The following CDH18 variants were observed in gnomAD, a reference collection of about 807,000 sequenced individuals.
CDH18 encodes the protein cadherin 18, also known as cadherin-18.
CDH18 carries 31 observed loss-of-function variants against 67.9 expected under a neutral mutation model. The ratio of observed to expected loss-of-function variants is 0.46; its 90% CI spans 0.34 to 0.62. The LOEUF (loss-of-function observed/expected upper bound fraction) is 0.62. Ranked by LOEUF, CDH18 falls within the 20% of genes least tolerant of loss-of-function variation. CDH18 has a pLI of 0.01. For missense variants in CDH18, 890 were observed against 975.5 expected (o/e 0.91, Z 1.17); for synonymous variants, 362 against 347.2 (o/e 1.04, Z -0.48).
intron 2 of CDH18, among the ~76,000 whole-genome samples, chr5:19,978,800 A>T (rs1441013874): frequency 6.6e-6 from 1 of 151,648 alleles, no homozygotes; most frequent in Non-Finnish European, 1.5e-5. Context: ...TCACTTTTAA[A>T]GAGCCTTGGG....
rs543802620 is a variant in CDH18 at position 19,941,512 on chromosome 5, T to C, written c.-257+39548A>G. Among the ~76,000 whole-genome samples the C allele has an allele frequency of 1.6e-4, 25 of 152,160 alleles. 1 individual carries two copies. Among genetic ancestry groups the C allele is most frequent in the African/African-American group, 5.8e-4 (24 of 41,544 alleles). On this transcript the variant is annotated intron_variant, in intron 2 of 12. Coordinates refer to ENST00000382275, the MANE Select transcript of CDH18 (RefSeq NM_004934.5). ...AAGAACTTCCTTGGGCCAGGTGCCA[T>C]GGCTCATGTCCGTAATCCCAGAACT...
intron 2 of CDH18, among the ~76,000 whole-genome samples, chr5:19,902,310 A>G (rs768626222): frequency 1.3e-4 from 20 of 152,122 alleles, no homozygotes; most frequent in Admixed American, 7.2e-4. Context: ...ATATGGCTGA[A>G]CGGATGGCAA....
intron 1 of CDH18, among the ~76,000 whole-genome samples, chr5:20,298,810 T>C (rs1210381458): frequency 6.6e-6 from 1 of 152,036 alleles, no homozygotes. Flanking sequence ...ATGAAGGGAA[T>C]TGAAAATGTC....
chr5:19,787,809 T>TTA (rs35850823), intron 3 of CDH18, among the ~76,000 whole-genome samples: 59,923 of 144,178 alleles, frequency 0.42, 12,255 homozygotes, highest in South Asian at 0.54. Flanking sequence ...TAATTTACAG[T>TTA]TATATATATA....
intron 11 of CDH18, among the ~76,000 whole-genome samples, chr5:19,491,598 TTC>T (rs2126671451): frequency 6.6e-6 from 1 of 152,302 alleles, no homozygotes; most frequent in African/African-American, 2.4e-5. Context: ...TCCAAAAGAC[TTC>T]TTTCTAACAG....
In CDH18 at chr5:19,999,085, GATA is replaced by G. The variant is rs571399616; in HGVS notation, c.-517-7074_-517-7072del. On this transcript the variant is annotated intron_variant, in intron 2 of 14. Coordinates refer to the CDH18 transcript ENST00000507958. ...GTTAAAGAGAAAGTTAACTATAAAA[GATA>G]ATAAGGTGCTAAGGAAAAAGAGAAA... Among the ~76,000 whole-genome samples, 10 of 152,212 alleles carry G rather than the reference GATA, an allele frequency of 6.6e-5. No individual in the cohort carries two copies. In the South Asian group the frequency reaches 2.1e-3, roughly 32 times the overall value.
intron 2 of CDH18, among the ~76,000 whole-genome samples, chr5:19,863,224 T>G (rs1028905999): frequency 6.6e-6 from 1 of 152,158 alleles, no homozygotes; most frequent in Non-Finnish European, 1.5e-5. Context: ...TTGGTTAGTT[T>G]AAGTATAAGA....
intron 1 of CDH18, among the ~76,000 whole-genome samples, chr5:20,362,684 G>T (rs551702104): frequency 1.5e-3 from 234 of 152,270 alleles, no homozygotes; most frequent in Non-Finnish European, 2.5e-3. Flanking sequence ...TGCTAGTGAT[G>T]CCTGGCAAGA....
chr5:20,385,716 C>T (rs1391926910), intron 1 of CDH18, among the ~76,000 whole-genome samples: 4 of 152,122 alleles, frequency 2.6e-5, no homozygotes, highest in African/African-American at 9.7e-5. Flanking sequence ...CTCTTTCTCA[C>T]TTTCTCTTTG....
At chr5:20,501,569 A>AATATATATATATTATATATATATTATAT (rs1754300816) in intron 1 of CDH18, among the ~76,000 whole-genome samples, 1 of 16,188 alleles carries the variant, frequency 6.2e-5, no homozygotes, top group Non-Finnish European at 1.5e-4. Flanking sequence ...ATATATATAT[A>AATATATATATATTATATATATATTATAT]ATATATATAT....
At chr5:20,300,369 T>C (rs1217563710) in intron 1 of CDH18, among the ~76,000 whole-genome samples, 2 of 151,878 alleles carry the variant, frequency 1.3e-5, no homozygotes, top group Non-Finnish European at 2.9e-5. Context: ...TGAACATTAG[T>C]CATTCTCTCG....
chr5:20,231,408 G>A (rs146115489), intron 2 of CDH18, among the ~76,000 whole-genome samples: 3,566 of 151,862 alleles, frequency 0.023, 146 homozygotes, highest in African/African-American at 0.08. Context: ...TCAGGAGTTC[G>A]AGACCAACAT....
chr5:19,729,640 T>C (rs982342122), intron 4 of CDH18, among the ~76,000 whole-genome samples: 2 of 152,190 alleles, frequency 1.3e-5, no homozygotes, highest in Non-Finnish European at 2.9e-5. Context: ...AATAAGAGTA[T>C]GTTGCAGAAT....
rs574522357 is a variant in CDH18, at chr5:20,216,078, A to T, written c.-518+39366T>A. On this transcript the variant is annotated intron_variant, in intron 2 of 14. Coordinates refer to the CDH18 transcript ENST00000507958. ...AATCTGTATAATAAACCCCCATGAC[A>T]CTGTTTGACAATATAACAAGCTTGC... Among the ~76,000 whole-genome samples the T allele has an allele frequency of 2.2e-4, 34 of 152,062 alleles. No homozygotes were observed. In the South Asian group the frequency reaches 5.4e-3, roughly 24 times the overall value.
chr5:19,849,637 C>T lies in CDH18; in HGVS notation c.-256-10395G>A, dbSNP rs200650214. On this transcript the variant is annotated intron_variant, in intron 2 of 12. Transcript: ENST00000382275. ...GCATATATATATAAACATATATATA[C>T]ACGCATATATATATAAACATATATA... Among the ~76,000 whole-genome samples, 110 of 26,930 alleles carry T rather than the reference C, an allele frequency of 4.1e-3. 1 individual carries two copies. The highest frequency in any genetic ancestry group is 5.3e-3 in the East Asian group (5 of 940). The allele number at this position is 26,930 out of a possible 152,430, so 17.7% of individuals were successfully genotyped here. A position where few individuals can be genotyped will look rare whatever the true frequency, so the allele number is the denominator to read the frequency against.
chr5:20,303,639 C>A (rs1189415504), intron 1 of CDH18, among the ~76,000 whole-genome samples: 1 of 152,242 alleles, frequency 6.6e-6, no homozygotes, highest in Non-Finnish European at 1.5e-5. Flanking sequence ...TACAGGCCAG[C>A]TTCCTTCTGA....
At chr5:20,379,874 C>G (rs926350727) in intron 1 of CDH18, among the ~76,000 whole-genome samples, 3 of 151,852 alleles carry the variant, frequency 2.0e-5, no homozygotes, top group African/African-American at 7.3e-5. Flanking sequence ...AGCCAGCCAG[C>G]CCTAGGTTGT....
chr5:19,679,600 G>A (rs908616018), intron 5 of CDH18, among the ~76,000 whole-genome samples: 4 of 151,736 alleles, frequency 2.6e-5, no homozygotes, highest in Non-Finnish European at 5.9e-5. Flanking sequence ...TATGACTTCG[G>A]TAAAGTTTCA....
chr5:19,771,844 T>C (rs1581270693), intron 3 of CDH18, among the ~76,000 whole-genome samples: 1 of 152,012 alleles, frequency 6.6e-6, no homozygotes. Context: ...GGGGCAGGAG[T>C]GTACCAATTA....
Sources: gnomAD v4.1 joint callset for allele counts (sites outside exome capture counted in the v4.1 genomes callset) on GRCh38, gnomAD v4.1.1 for gene constraint, MANE v1.5 for transcripts, NCBI Gene and HGNC (gene_info 2026-07-23, HGNC 2026-07-21) for gene names.